Variants in ATP6V0A4 observed in about 807,000 individuals in gnomAD.
ATP6V0A4 encodes the protein ATPase H+ transporting V0 subunit a4.
ATP6V0A4 carries 86 observed loss-of-function variants against 107.3 expected under a neutral mutation model. The ratio of observed to expected loss-of-function variants is 0.80; its 90% confidence interval spans 0.67 to 0.96. ATP6V0A4 has a LOEUF of 0.96. Among genes scored for constraint, ATP6V0A4 ranks in the 40% least tolerant of loss-of-function variants. ATP6V0A4 has a pLI of 0.00. For missense variants in ATP6V0A4, 908 were observed against 1,045.6 expected (o/e 0.87, Z 1.81); for synonymous variants, 353 against 381.4 (o/e 0.93, Z 0.87).
intron 1 of ATP6V0A4, among the ~76,000 whole-genome samples, chr7:138,793,863 C>A (rs1280266996): frequency 1.1e-4 from 17 of 152,104 alleles, no homozygotes; most frequent in Admixed American, 1.1e-3. Flanking sequence ...ATAGCTGCAC[C>A]GCCTCCCAGT....
At chr7:138,764,245 G>A (rs1806977178) in intron 5 of ATP6V0A4, among the ~76,000 whole-genome samples, 1 of 151,738 alleles carries the variant, frequency 6.6e-6, no homozygotes, top group South Asian at 2.1e-4. Flanking sequence ...ATGGAGGAGG[G>A]GTGAGGAGGG....
chr7:138,709,816 C>T (rs1342924776), intron 20 of ATP6V0A4, 21 bp from the exon 21 acceptor site: 1 of 1,612,556 alleles, frequency 6.2e-7, no homozygotes, highest in Non-Finnish European at 8.5e-7. Flanking sequence ...CGAGAAACCA[C>T]TGGGATTATC....
chr7:138,726,457 G>A (rs567096670), intron 18 of ATP6V0A4, among the ~76,000 whole-genome samples: 2 of 152,344 alleles, frequency 1.3e-5, no homozygotes, highest in South Asian at 2.1e-4. Context: ...CGCTGCCCAC[G>A]GGGCATGTCA....
intron 2 of ATP6V0A4, among the ~76,000 whole-genome samples, chr7:138,782,777 G>A (rs1807981013): frequency 6.6e-6 from 1 of 152,018 alleles, no homozygotes; most frequent in Non-Finnish European, 1.5e-5. Context: ...GTGAAGAAAA[G>A]ATGGGCATGG....
intron 2 of ATP6V0A4, among the ~76,000 whole-genome samples, chr7:138,777,433 G>A (rs1440599744): frequency 1.3e-5 from 2 of 151,936 alleles, no homozygotes; most frequent in East Asian, 3.9e-4. Flanking sequence ...TGGCCAACAT[G>A]GTGAAACCCC....
chr7:138,767,077 T>G (rs193175703), intron 5 of ATP6V0A4, among the ~76,000 whole-genome samples: 203 of 152,352 alleles, frequency 1.3e-3, no homozygotes, highest in Middle Eastern at 3.4e-3. Context: ...AACAATGCCA[T>G]CCTTCTCATG....
At position 138,778,474 on chromosome 7, in the gene ATP6V0A4, G is replaced by A. The variant is rs187890571; in HGVS notation, c.-17-7210C>T. Among the ~76,000 whole-genome samples, 28 of 151,606 alleles carry A rather than the reference G, an allele frequency of 1.8e-4. 1 individual carries two copies. Among genetic ancestry groups the A allele is most frequent in the African/African-American group, 5.8e-4 (24 of 41,252 alleles). On this transcript the variant is annotated intron_variant, in intron 2 of 21. Coordinates refer to ENST00000310018, the MANE Select transcript of ATP6V0A4 (RefSeq NM_020632.3). ...TGCAAATATTCCAAAATCTGAAAAAGTCTGAAATCTAAAACACTTCTGGTC... is the reference window on the plus strand; with the variant it reads ...TGCAAATATTCCAAAATCTGAAAAAATCTGAAATCTAAAACACTTCTGGTC...
chr7:138,789,968 C>CAAAA (rs34413519), intron 1 of ATP6V0A4, among the ~76,000 whole-genome samples: 1 of 126,738 alleles, frequency 7.9e-6, no homozygotes, highest in Non-Finnish European at 1.7e-5. Context: ...GACTCTGTCT[C>CAAAA]AAAAAAAAAA....
At chr7:138,741,976 A>G (rs534797634) in intron 14 of ATP6V0A4, among the ~76,000 whole-genome samples, 1 of 152,268 alleles carries the variant, frequency 6.6e-6, no homozygotes, top group East Asian at 1.9e-4. Context: ...TGAATTGGGG[A>G]AGAAGACATT....
At chr7:138,795,815 G>T (rs1563026882) in intron 1 of ATP6V0A4, among the ~76,000 whole-genome samples, 1 of 124,934 alleles carries the variant, frequency 8.0e-6, no homozygotes, top group Non-Finnish European at 1.8e-5. Context: ...TAATTTTTTT[G>T]TGTTTTTTTT....
chr7:138,745,675 CG>C (rs1805887081), intron 13 of ATP6V0A4, among the ~76,000 whole-genome samples: 1 of 51,510 alleles, frequency 1.9e-5, no homozygotes, highest in South Asian at 6.0e-4. Context: ...AAAAAAAGGC[CG>C]GGTGTGATGG....
At chr7:138,797,449 T>A (rs183332874) in intron 1 of ATP6V0A4, among the ~76,000 whole-genome samples, 2 of 151,888 alleles carry the variant, frequency 1.3e-5, no homozygotes, top group Admixed American at 1.3e-4. Context: ...AACTCCTGAC[T>A]TCAAGTGATC....
intron 12 of ATP6V0A4, among the ~76,000 whole-genome samples, chr7:138,748,157 A>G (rs928142295): frequency 2.6e-5 from 4 of 152,134 alleles, no homozygotes; most frequent in African/African-American, 9.6e-5. Flanking sequence ...AAAAATCACA[A>G]AGTTTGATGG....
chr7:138,707,254 A>AAT (rs1209035334), intron 21 of ATP6V0A4, among the ~76,000 whole-genome samples: 1 of 76,418 alleles, frequency 1.3e-5, no homozygotes, highest in Non-Finnish European at 2.3e-5. Context: ...TATTATATAG[A>AAT]ATATATATTA....
At chr7:138,794,229 G>A (rs752249276) in intron 1 of ATP6V0A4, among the ~76,000 whole-genome samples, 1 of 152,150 alleles carries the variant, frequency 6.6e-6, no homozygotes, top group Non-Finnish European at 1.5e-5. Flanking sequence ...CTCTGTGAGG[G>A]AGCTGGGGCT....
chr7:138,797,948 C>A, intron 1 of ATP6V0A4, 86 bp downstream of exon 1: 1 of 1,534,086 alleles, frequency 6.5e-7, no homozygotes, highest in South Asian at 1.2e-5. Flanking sequence ...CTTTGCTCCA[C>A]CCCATGGTGT....
chr7:138,768,021 C>T (rs59673427), intron 5 of ATP6V0A4, among the ~76,000 whole-genome samples: 16,844 of 152,152 alleles, frequency 0.11, 1,181 homozygotes, highest in East Asian at 0.37. Flanking sequence ...GCAACCTCTG[C>T]GTCCCGGATT....
chr7:138,742,925 T>C (rs78614621), intron 14 of ATP6V0A4, among the ~76,000 whole-genome samples: 4,324 of 147,682 alleles, frequency 0.029, 181 homozygotes, highest in East Asian at 0.11. Flanking sequence ...ATCACAGATA[T>C]AGCTGTCTGT....
intron 1 of ATP6V0A4, among the ~76,000 whole-genome samples, chr7:138,792,468 A>G (rs578049784): frequency 3.9e-5 from 6 of 152,244 alleles, no homozygotes; most frequent in Non-Finnish European, 7.3e-5. Context: ...CAAAAAAGGA[A>G]TGCATGTCGT....
Sources: gnomAD v4.1 joint callset for allele counts (sites outside exome capture counted in the v4.1 genomes callset) on GRCh38, gnomAD v4.1.1 for gene constraint, MANE v1.5 for transcripts, NCBI Gene and HGNC (gene_info 2026-07-23, HGNC 2026-07-21) for gene names.